KIAA0319L: variants seen among roughly 807,000 people sequenced by gnomAD.
KIAA0319L encodes the protein dyslexia-associated protein KIAA0319-like protein.
A neutral mutation model predicts 120.1 loss-of-function variants in KIAA0319L; 55 were observed. The observed-to-expected ratio is 0.46, with a 90% CI of 0.37 to 0.57. The LOEUF (loss-of-function observed/expected upper bound fraction) is 0.57, where lower values mean the gene tolerates loss of function less well. Among genes scored for constraint, KIAA0319L ranks in the 20% least tolerant of loss-of-function variants. The pLI, the probability that KIAA0319L is intolerant of heterozygous loss-of-function variation, is 0.00. For missense variants in KIAA0319L, 1,049 were observed against 1,255.3 expected, an observed-to-expected ratio of 0.84 and a Z score of 2.48; for synonymous variants, 398 against 471.9, an observed-to-expected ratio of 0.84 and a Z score of 2.03.
chr1:35,550,272 G>A (rs1348717330), intron 2 of KIAA0319L, among the ~76,000 whole-genome samples: 2 of 152,244 alleles, frequency 1.3e-5, no homozygotes, highest in Non-Finnish European at 2.9e-5. Flanking sequence ...GATAACTGCA[G>A]AGCTGCCTTA....
chr1:35,461,885 G>A (rs1239071798), intron 8 of KIAA0319L, among the ~76,000 whole-genome samples: 1 of 152,026 alleles, frequency 6.6e-6, no homozygotes. Flanking sequence ...CCTTGTTAGA[G>A]GGTCCTCTGC....
chr1:35,474,753 C>T, intron 5 of KIAA0319L, 52 bp downstream of exon 5: 4 of 1,043,718 alleles, frequency 3.8e-6, no homozygotes, highest in Non-Finnish European at 6.0e-6. Context: ...CAGCAAGACT[C>T]CATCTCTTTC....
intron 8 of KIAA0319L, among the ~76,000 whole-genome samples, chr1:35,461,957 C>A (rs529447569): frequency 1.3e-5 from 2 of 152,188 alleles, no homozygotes; most frequent in South Asian, 4.2e-4. Context: ...GGGTAAAGGA[C>A]CTTAACCGGT....
At chr1:35,477,873 C>T (rs1379105421) in intron 4 of KIAA0319L, among the ~76,000 whole-genome samples, 1 of 152,034 alleles carries the variant, frequency 6.6e-6, no homozygotes, top group Admixed American at 6.6e-5. Flanking sequence ...AATAGAGTTA[C>T]CATGTGACTC....
At chr1:35,556,347 A>G (rs758781133) in intron 1 of KIAA0319L, 18 of 152,254 alleles carry the variant, frequency 1.2e-4, no homozygotes, top group African/African-American at 3.9e-4. Flanking sequence ...CAGCGATAAG[A>G]TATGTTTGAA....
In KIAA0319L at chr1:35,462,685, A is replaced by T; in HGVS notation, c.1230T>A (p.Ala410=). The change falls in exon 8 of 21, where the codon GCT becomes GCA. Residue 410 remains alanine (A), a synonymous_variant. Transcript: ENST00000325722. ...PEPRKNRPPI[A]IVSPQFQEIS... is the part of the protein sequence containing the mutation. ...TCTCCTGGAACTGAGGTGACACAAT[A>T]GCAATGGGGGGCCGATTCTTACGGG... 6.2e-7 allele frequency: 1 copy of T among 1,614,146 alleles called. No individual in the cohort carries two copies. Among genetic ancestry groups the T allele is most frequent in the Non-Finnish European group, 8.5e-7 (1 of 1,179,972 alleles).
chr1:35,471,899 T>TCTTCCTTC (rs1037601680), intron 5 of KIAA0319L, among the ~76,000 whole-genome samples: 2 of 152,178 alleles, frequency 1.3e-5, no homozygotes, highest in Non-Finnish European at 2.9e-5. Flanking sequence ...GACAAGGTCT[T>TCTTCCTTC]CTTCCTTCCT....
At chr1:35,557,634 C>G (rs1648325246), upstream of KIAA0319L, 1 of 455,286 alleles carries the variant, frequency 2.2e-6, no homozygotes, top group South Asian at 1.6e-5. Flanking sequence ...CGAGCCCCAG[C>G]CCCCAGACTC....
intron 10 of KIAA0319L, 70 bp from the exon 11 acceptor site, chr1:35,454,555 GTAAAAA>G: frequency 6.3e-7 from 1 of 1,587,348 alleles, no homozygotes; most frequent in African/African-American, 1.3e-5. Context: ...TCCGACTCTG[GTAAAAA>G]CGATTTAGTT....
chr1:35,507,236 G>T, intron 2 of KIAA0319L, 101 bp from the exon 3 acceptor site: 1 of 1,173,420 alleles, frequency 8.5e-7, no homozygotes, highest in Non-Finnish European at 1.2e-6. Context: ...TTTTGAAGAC[G>T]AGTTTTTAAG....
At chr1:35,465,786 T>C (rs902662685) in intron 7 of KIAA0319L, among the ~76,000 whole-genome samples, 2 of 152,140 alleles carry the variant, frequency 1.3e-5, no homozygotes, top group Non-Finnish European at 2.9e-5. Context: ...TGGGAGGTAA[T>C]TGAATTATGG....
In KIAA0319L at chr1:35,450,433, A is replaced by G; in HGVS notation, c.2139T>C (p.Asp713=). Reference sequence around the variant, plus strand: ...CCTTGTCATCTGAGGACTTAGAGCCATCCAGCTCTGCTGTGCTCGTGGGTA... The same window carrying G: ...CCTTGTCATCTGAGGACTTAGAGCCGTCCAGCTCTGCTGTGCTCGTGGGTA... ...ITLPTSTAEL[D]GSKSSDDKGI... The change falls in exon 14 of 21, where the codon GAT becomes GAC. Residue 713 remains aspartate (D), a synonymous_variant. Transcript: ENST00000325722. The G allele has an allele frequency of 6.2e-7, 1 of 1,613,902 alleles. No individual in the cohort carries two copies. The highest frequency in any genetic ancestry group is 8.5e-7 in the Non-Finnish European group (1 of 1,179,772).
chr1:35,497,976 T>A (rs552163972), intron 3 of KIAA0319L, among the ~76,000 whole-genome samples: 1 of 152,326 alleles, frequency 6.6e-6, no homozygotes, highest in East Asian at 1.9e-4. Context: ...TTTCAAAAAT[T>A]TATGTACTGT....
At position 35,437,234 on chromosome 1, in the gene KIAA0319L, C is replaced by T. The variant is rs12022675; in HGVS notation, c.2963-2153G>A. On this transcript the variant is annotated intron_variant, in intron 20 of 20. Coordinates refer to ENST00000325722, the MANE Select transcript of KIAA0319L (RefSeq NM_024874.5). The surrounding 1 kb of genome is among the most constrained non-coding windows in gnomAD (Gnocchi z 4.1). ...CCCATCCAATCTCACCTCTGCAGCG[C>T]GGCACTTCTCCGGGCCATCACCGCC... Among the ~76,000 whole-genome samples the T allele has an allele frequency of 0.046, 7,007 of 152,262 alleles. 361 individuals carry two copies. The highest frequency in any genetic ancestry group is 0.12 in the African/African-American group (4,947 of 41,534).
chr1:35,467,054 T>C (rs1304127107), intron 6 of KIAA0319L, among the ~76,000 whole-genome samples: 3 of 151,206 alleles, frequency 2.0e-5, no homozygotes, highest in African/African-American at 7.3e-5. Context: ...ATCATGTCAC[T>C]GCACTCCAGC....
Position 35,495,247 on chromosome 1 carries a change from C to T in KIAA0319L, c.666+11365G>A, listed in dbSNP as rs571866300. 3.9e-5 allele frequency among the ~76,000 whole-genome samples: 6 copies of T among 152,222 alleles called. No individual in the cohort carries two copies. In the East Asian group the frequency reaches 7.7e-4, roughly 20 times the overall value. ...AATTAACCAGGCGTGGTGGTGCACA[C>T]CTGTAGTCCCAGCTACTTGGGAGGG... On this transcript the variant is annotated intron_variant, in intron 3 of 20. Coordinates refer to ENST00000325722, the MANE Select transcript of KIAA0319L (RefSeq NM_024874.5).
At chr1:35,463,664 A>G (rs149017816) in intron 7 of KIAA0319L, among the ~76,000 whole-genome samples, 369 of 152,368 alleles carry the variant, frequency 2.4e-3, no homozygotes, top group South Asian at 6.4e-3. Flanking sequence ...TACAAAGTAC[A>G]AGGAATGAAA....
chr1:35,506,484 A>C lies in KIAA0319L; in HGVS notation c.666+128T>G. ...GGGCAGCACCAAAGAAGCTGACACCAAGCAGCTTTATATATACACTCCTCA... is the reference window on the plus strand; with the variant it reads ...GGGCAGCACCAAAGAAGCTGACACCCAGCAGCTTTATATATACACTCCTCA... On this transcript the variant is annotated intron_variant, in intron 3 of 20. Transcript: ENST00000325722. This position sits in a 1 kb window ranked among gnomAD's most constrained non-coding sequence, Gnocchi z 4.0. 1 of 877,464 alleles carries C rather than the reference A, an allele frequency of 1.1e-6. No individual in the cohort carries two copies. The highest frequency in any genetic ancestry group is 1.7e-5 in the South Asian group (1 of 60,238). The allele number at this position is 877,464 out of a possible 1,614,324, so 54.4% of individuals were successfully genotyped here.
intron 4 of KIAA0319L, among the ~76,000 whole-genome samples, chr1:35,477,125 C>T (rs537761094): frequency 4.3e-4 from 66 of 152,210 alleles, no homozygotes; most frequent in Non-Finnish European, 9.1e-4. Flanking sequence ...GCAAAGGAAA[C>T]AATCAACAAA....
Sources: gnomAD v4.1 joint callset for allele counts (sites outside exome capture counted in the v4.1 genomes callset) on GRCh38, gnomAD v4.1.1 for gene constraint, Gnocchi (gnomAD v3.1) non-coding constraint, MANE v1.5 for transcripts, NCBI Gene and HGNC (gene_info 2026-07-23, HGNC 2026-07-21) for gene names.